The following TNS3 variants were observed in gnomAD, a reference collection of about 807,000 sequenced individuals.
TNS3 encodes the protein tensin-3.
A neutral mutation model predicts 140.9 loss-of-function variants in TNS3; 45 were observed. The ratio of observed to expected loss-of-function variants is 0.32; its 90% CI spans 0.25 to 0.41. The LOEUF (loss-of-function observed/expected upper bound fraction) is 0.41, where lower values mean the gene tolerates loss of function less well. Ranked by LOEUF, TNS3 falls within the 10% of genes least tolerant of loss-of-function variation. The pLI is 1.00. For synonymous variants in TNS3, 815 were observed against 788.4 expected, an observed-to-expected ratio of 1.03 and a Z score of -0.56; for missense variants, 1,716 against 1,906.7, an observed-to-expected ratio of 0.90 and a Z score of 1.86.
intron 8 of TNS3, among the ~76,000 whole-genome samples, chr7:47,429,969 C>T (rs952166459): frequency 5.3e-5 from 8 of 152,114 alleles, no homozygotes; most frequent in Admixed American, 1.3e-4. Flanking sequence ...ACTAGTATAC[C>T]TCTTGCATAA....
chr7:47,451,615 C>T (rs547035110), intron 4 of TNS3, among the ~76,000 whole-genome samples: 10 of 152,194 alleles, frequency 6.6e-5, no homozygotes, highest in African/African-American at 9.6e-5. Flanking sequence ...ACAAAAGCCA[C>T]GGATAAATCC....
At chr7:47,295,154 C>T (rs1785934453) in intron 24 of TNS3, among the ~76,000 whole-genome samples, 1 of 152,216 alleles carries the variant, frequency 6.6e-6, no homozygotes, top group Non-Finnish European at 1.5e-5. Flanking sequence ...TCGGTTTCCT[C>T]AAGTCTGCTA....
At chr7:47,292,550 G>A (rs1368301512) in intron 26 of TNS3, among the ~76,000 whole-genome samples, 1 of 152,060 alleles carries the variant, frequency 6.6e-6, no homozygotes, top group Non-Finnish European at 1.5e-5. Flanking sequence ...TTTGTCTGAG[G>A]GTTTTATATT....
chr7:47,442,313 C>A (rs1040591739), intron 4 of TNS3, among the ~76,000 whole-genome samples: 1 of 152,260 alleles, frequency 6.6e-6, no homozygotes, highest in African/African-American at 2.4e-5. Context: ...ACCCTCCAGT[C>A]AGGGCAAGGT....
intron 16 of TNS3, among the ~76,000 whole-genome samples, chr7:47,382,358 C>A (rs2151231776): frequency 6.6e-6 from 1 of 152,304 alleles, no homozygotes; most frequent in East Asian, 1.9e-4. Flanking sequence ...ACCCACTGGT[C>A]TTCAGATCTT....
intron 1 of TNS3, among the ~76,000 whole-genome samples, chr7:47,533,575 T>G (rs1799494883): frequency 6.6e-6 from 1 of 151,950 alleles, no homozygotes; most frequent in South Asian, 2.1e-4. Context: ...CTCATAATAA[T>G]AAAAGGATTG....
chr7:47,355,363 T>C lies in TNS3; in HGVS notation c.2282-9007A>G, dbSNP rs150186995. The stretch of plus-strand genomic sequence containing the variant: ...ACCACAACAGGGTGGGGGACGGTCC[T>C]GACAGGGAATCCTCACGTGCTCTGA... On this transcript the variant is annotated intron_variant, in intron 17 of 30. Coordinates refer to ENST00000311160, the MANE Select transcript of TNS3 (RefSeq NM_022748.12). Among the ~76,000 whole-genome samples the C allele has an allele frequency of 2.2e-3, 334 of 152,310 alleles. 2 individuals are homozygous for C. Among genetic ancestry groups the C allele is most frequent in the African/African-American group, 7.7e-3 (322 of 41,582 alleles).
chr7:47,452,995 C>T, intron 4 of TNS3: 1 of 985,572 alleles, frequency 1.0e-6, no homozygotes, highest in Non-Finnish European at 1.2e-6. Flanking sequence ...AACAGCTCCT[C>T]CTACGTTTCG....
intron 1 of TNS3, among the ~76,000 whole-genome samples, chr7:47,545,078 G>T (rs1049357550): frequency 6.6e-6 from 1 of 151,406 alleles, no homozygotes; most frequent in East Asian, 2.0e-4. Context: ...GGACACAGTT[G>T]TTGGTGTTGT....
Position 47,346,298 on chromosome 7 carries a change from G to T in TNS3, c.2340C>A (p.Tyr780Ter). Residue 780 changes from tyrosine (Y) to a stop codon, truncating the protein, a stop_gained, in exon 18 of 31, where the codon TAC (tyrosine) becomes TAA (stop). Coordinates refer to ENST00000311160, the MANE Select transcript of TNS3 (RefSeq NM_022748.12). LOFTEE classifies it high-confidence loss of function. ...GCAGCTGCCCCCCAGCATCGTTGTC[G>T]TACTGCCCCAGGCTCAGCTTCCTGA... ...GRLRKLSLGQ[Y>*]DNDAGGQLPF... is the part of the protein sequence containing the mutation. 6.2e-7 allele frequency: 1 copy of T among 1,614,210 alleles called. No homozygotes were observed. The highest frequency in any genetic ancestry group is 8.5e-7 in the Non-Finnish European group (1 of 1,180,030).
intron 9 of TNS3, among the ~76,000 whole-genome samples, chr7:47,426,048 T>C (rs116441416): frequency 0.025 from 3,772 of 149,938 alleles, 142 homozygotes; most frequent in African/African-American, 0.087. Context: ...CTTAGGAGGC[T>C]GAGGTGGGCA....
At chr7:47,524,146 C>T (rs916342803) in intron 2 of TNS3, among the ~76,000 whole-genome samples, 8 of 152,172 alleles carry the variant, frequency 5.3e-5, no homozygotes, top group East Asian at 1.9e-4. Context: ...CCTGCCAGCA[C>T]GAAGCAGCCG....
At chr7:47,578,062 C>G (rs1800715232) in intron 1 of TNS3, among the ~76,000 whole-genome samples, 1 of 151,868 alleles carries the variant, frequency 6.6e-6, no homozygotes, top group Non-Finnish European at 1.5e-5. Context: ...GCCTGTAACC[C>G]CACGCTTTGG....
At chr7:47,501,441 G>A (rs1392623359) in intron 3 of TNS3, among the ~76,000 whole-genome samples, 1 of 152,204 alleles carries the variant, frequency 6.6e-6, no homozygotes, top group Non-Finnish European at 1.5e-5. Context: ...GGGGACGAGA[G>A]TCTGCAGCCT....
At chr7:47,568,941 G>C (rs1338580575) in intron 1 of TNS3, among the ~76,000 whole-genome samples, 1 of 152,246 alleles carries the variant, frequency 6.6e-6, no homozygotes, top group Non-Finnish European at 1.5e-5. Context: ...CACTGTGGCT[G>C]TGAACAAAGC....
intron 20 of TNS3, among the ~76,000 whole-genome samples, chr7:47,319,611 CA>C (rs143015714): frequency 0.046 from 6,998 of 152,196 alleles, 209 homozygotes; most frequent in Non-Finnish European, 0.072. Flanking sequence ...ACATAAGGCC[CA>C]GGGGGAGAAA....
intron 20 of TNS3, among the ~76,000 whole-genome samples, chr7:47,306,990 T>A (rs1786796091): frequency 6.6e-6 from 1 of 152,254 alleles, no homozygotes; most frequent in Non-Finnish European, 1.5e-5. Context: ...ACTTTAAATG[T>A]TTAATTTTTC....
intron 4 of TNS3, among the ~76,000 whole-genome samples, chr7:47,449,280 TC>T (rs1464598711): frequency 6.6e-6 from 1 of 152,190 alleles, no homozygotes; most frequent in Non-Finnish European, 1.5e-5. Context: ...AAATGGAGCA[TC>T]CTTCACTGAC....
intron 20 of TNS3, among the ~76,000 whole-genome samples, chr7:47,330,910 G>C (rs1414269827): frequency 6.6e-6 from 1 of 152,114 alleles, no homozygotes; most frequent in Non-Finnish European, 1.5e-5. Context: ...CAGCCTCACG[G>C]GTCCTACAGG....
Sources: gnomAD v4.1 joint callset for allele counts (sites outside exome capture counted in the v4.1 genomes callset) on GRCh38, gnomAD v4.1.1 for gene constraint, MANE v1.5 for transcripts, NCBI Gene and HGNC (gene_info 2026-07-23, HGNC 2026-07-21) for gene names.